The following CD2AP variants were observed in gnomAD, a reference collection of about 807,000 sequenced individuals.
CD2AP encodes CD2-associated protein.
Under a neutral mutation model 85.1 loss-of-function variants are expected in CD2AP, and 46 were observed. That is an observed-to-expected ratio of 0.54 (90% CI 0.43 to 0.69). The LOEUF (loss-of-function observed/expected upper bound fraction) is 0.69. CD2AP is among the 30% of genes least tolerant of loss of function. The pLI, the probability that CD2AP is intolerant of heterozygous loss-of-function variation, is 0.00. For missense variants in CD2AP, 769 were observed against 729.5 expected (o/e 1.05, Z -0.62); for synonymous variants, 255 against 252.9 (o/e 1.01, Z -0.08).
chr6:47,577,136 A>C (rs771686932), intron 8 of CD2AP, 33 bp downstream of exon 8: 1 of 1,070,662 alleles, frequency 9.3e-7, no homozygotes, highest in Admixed American at 1.7e-5. Flanking sequence ...TGAATTGCTT[A>C]ATTTATTTAT....
In CD2AP at chr6:47,625,611, T is replaced by G. The variant is rs1369779889; in HGVS notation, c.*1384T>G. 6.6e-6 allele frequency: 1 copy of G among 151,824 alleles called. No individual in the cohort carries two copies. The highest frequency in any genetic ancestry group is 1.5e-5 in the Non-Finnish European group (1 of 67,728). The allele number at this position is 151,824 out of a possible 1,614,324, so 9.4% of individuals were successfully genotyped here. On this transcript the variant is annotated 3_prime_UTR_variant, in exon 18 of 18. Transcript: ENST00000359314. ...GTTTTATGCTTTATTATATCGCAAA[T>G]GAGTGTCAGATTTTTGAGTACCAAT...
intron 2 of CD2AP, among the ~76,000 whole-genome samples, chr6:47,504,905 T>G (rs920867234): frequency 1.3e-5 from 2 of 152,182 alleles, no homozygotes; most frequent in Non-Finnish European, 2.9e-5. Flanking sequence ...AACGATCATC[T>G]GAGCCTTCAG....
In CD2AP at chr6:47,554,754, C is replaced by T; in HGVS notation, c.529C>T (p.Gln177Ter). The T allele has an allele frequency of 6.2e-7, 1 of 1,611,940 alleles. No homozygotes were observed. The highest frequency in any genetic ancestry group is 8.5e-7 in the Non-Finnish European group (1 of 1,178,880). ...VTDDGETHEAQDDSETVLAGP... is the reference protein window; with the variant it reads ...VTDDGETHEA Reference sequence around the variant, plus strand: ...AGATGATGGTGAAACTCATGAAGCCCAGGACGATTCAGGTAGACTATTTTT... The same window carrying T: ...AGATGATGGTGAAACTCATGAAGCCTAGGACGATTCAGGTAGACTATTTTT... The change falls in exon 5 of 18, where the codon CAG becomes TAG. Residue 177 changes from glutamine to a stop codon, truncating the protein, a stop_gained. Coordinates refer to ENST00000359314, the MANE Select transcript of CD2AP (RefSeq NM_012120.3). LOFTEE classifies it high-confidence loss of function.
chr6:47,599,288 TTTC>T lies in CD2AP; in HGVS notation c.1275-10_1275-8del. The stretch of plus-strand genomic sequence containing the variant: ...CATACTAGTGATTTTTGCGTGTTTT[TTTC>T]TTATTTCAGGATTAATGGGGAAGTT... On this transcript the variant is annotated splice_polypyrimidine_tract_variant and intron_variant, in intron 12 of 17. Transcript: ENST00000359314. The T allele has an allele frequency of 6.2e-7, 1 of 1,610,852 alleles. No homozygotes were observed. The highest frequency in any genetic ancestry group is 8.5e-7 in the Non-Finnish European group (1 of 1,177,810).
chr6:47,560,829 T>G (rs1307075764), intron 5 of CD2AP, among the ~76,000 whole-genome samples: 1 of 152,208 alleles, frequency 6.6e-6, no homozygotes, highest in African/African-American at 2.4e-5. Flanking sequence ...CTCATCAGAC[T>G]TTCACTCAAC....
intron 5 of CD2AP, among the ~76,000 whole-genome samples, chr6:47,570,135 A>G (rs1189988120): frequency 6.9e-6 from 1 of 145,086 alleles, no homozygotes; most frequent in Non-Finnish European, 1.5e-5. Context: ...TATTTTCATC[A>G]GATTTCTTTT....
At chr6:47,488,892 A>G (rs1390444540) in intron 1 of CD2AP, among the ~76,000 whole-genome samples, 1 of 152,182 alleles carries the variant, frequency 6.6e-6, no homozygotes, top group Non-Finnish European at 1.5e-5. Context: ...CTTTCTTAAA[A>G]AAAAAATTAA....
chr6:47,557,854 T>C (rs191404839), intron 5 of CD2AP, among the ~76,000 whole-genome samples: 52 of 152,314 alleles, frequency 3.4e-4, no homozygotes, highest in Non-Finnish European at 6.2e-4. Context: ...TTTTTCTAAT[T>C]CTGTGAAGAA....
chr6:47,484,054 T>G lies in CD2AP; in HGVS notation c.4+5806T>G, dbSNP rs184854841. 5.2e-3 allele frequency among the ~76,000 whole-genome samples: 794 copies of G among 152,324 alleles called. 9 individuals carry two copies. The highest frequency in any genetic ancestry group is 0.018 in the African/African-American group (755 of 41,570). ...GGCTAGTTATTAGAAAGACCTTTTT[T>G]GTTGTTGCTTTTTAAATTTTTTTTT... On this transcript the variant is annotated intron_variant, in intron 1 of 17. Transcript: ENST00000359314.
intron 5 of CD2AP, among the ~76,000 whole-genome samples, chr6:47,566,089 C>T (rs1767984676): frequency 6.6e-6 from 1 of 151,986 alleles, no homozygotes; most frequent in Non-Finnish European, 1.5e-5. Flanking sequence ...CTGGAATCCT[C>T]TTCTTCAAGA....
At chr6:47,508,766 A>G (rs1416286771) in intron 2 of CD2AP, among the ~76,000 whole-genome samples, 4 of 152,056 alleles carry the variant, frequency 2.6e-5, no homozygotes, top group African/African-American at 7.2e-5. Flanking sequence ...GCTGGTCTTG[A>G]ACTCCTGACC....
intron 11 of CD2AP, among the ~76,000 whole-genome samples, chr6:47,584,908 T>A (rs1768579715): frequency 6.6e-6 from 1 of 151,778 alleles, no homozygotes; most frequent in Non-Finnish European, 1.5e-5. Context: ...TTTTTACTAT[T>A]AAAAAAAATC....
At chr6:47,572,195 A>G (rs970918829) in intron 5 of CD2AP, among the ~76,000 whole-genome samples, 2 of 152,220 alleles carry the variant, frequency 1.3e-5, no homozygotes, top group Admixed American at 6.5e-5. Flanking sequence ...ACATTCAACA[A>G]CATCAAAATT....
At chr6:47,494,393 C>T (rs1301984666) in intron 1 of CD2AP, among the ~76,000 whole-genome samples, 2 of 152,056 alleles carry the variant, frequency 1.3e-5, no homozygotes, top group African/African-American at 4.8e-5. Context: ...ATGGTGGTAG[C>T]ATGTGGGAAA....
chr6:47,549,105 G>A (rs1400131298), intron 4 of CD2AP, among the ~76,000 whole-genome samples: 1 of 152,106 alleles, frequency 6.6e-6, no homozygotes, highest in Non-Finnish European at 1.5e-5. Flanking sequence ...AATACTGAAT[G>A]GGGAAAAATT....
intron 1 of CD2AP, among the ~76,000 whole-genome samples, chr6:47,502,493 G>GTTT (rs370906372): frequency 2.3e-5 from 3 of 129,474 alleles, no homozygotes; most frequent in Non-Finnish European, 5.0e-5. Flanking sequence ...GAACTCCTGA[G>GTTT]TTTTTTTTTT....
intron 17 of CD2AP, among the ~76,000 whole-genome samples, chr6:47,623,385 T>C (rs1277741564): frequency 1.3e-5 from 2 of 152,188 alleles, no homozygotes; most frequent in African/African-American, 4.8e-5. Context: ...CAAAATGTTA[T>C]AGAATTGAGA....
intron 2 of CD2AP, among the ~76,000 whole-genome samples, 156 bp downstream of exon 2, chr6:47,503,596 T>C (rs1231124659): frequency 6.6e-6 from 1 of 152,202 alleles, no homozygotes; most frequent in Non-Finnish European, 1.5e-5. Flanking sequence ...ATAATGGATA[T>C]CATTGTTGCT....
chr6:47,485,742 C>T (rs1053892261), intron 1 of CD2AP, among the ~76,000 whole-genome samples: 2 of 152,128 alleles, frequency 1.3e-5, no homozygotes. Context: ...TGTAGGTGTA[C>T]CATTTTTATT....
Sources: allele counts gnomAD v4.1 joint callset (sites outside exome capture counted in the v4.1 genomes callset), GRCh38; gene constraint gnomAD v4.1.1; transcripts MANE v1.5; gene names NCBI Gene and HGNC (gene_info 2026-07-23, HGNC 2026-07-21).